Variants in SYTL2 observed in about 807,000 individuals in gnomAD.
SYTL2 encodes synaptotagmin-like protein 2.
A neutral mutation model predicts 198.7 loss-of-function variants in SYTL2; 165 were observed. The observed-to-expected ratio is 0.83, with a 90% CI of 0.73 to 0.94. The LOEUF (loss-of-function observed/expected upper bound fraction) is 0.94. SYTL2 is among the 40% of genes least tolerant of loss of function. The pLI is 0.00. For synonymous variants in SYTL2, 966 were observed against 917.7 expected (o/e 1.05, Z -0.95); for missense variants, 2,835 against 2,582.8 (o/e 1.10, Z -2.12).
At chr11:85,852,636 G>A in the SYTL2 span, 1,370 of 182,412 alleles carry the variant, frequency 7.5e-3, 21 homozygotes, top group African/African-American at 0.032. Context: ...TCGGCCTCCC[G>A]AGGTGCCGGG....
intron 6 of SYTL2, among the ~76,000 whole-genome samples, chr11:85,735,665 T>A (rs475380): frequency 0.69 from 105,268 of 151,908 alleles, 36,902 homozygotes; most frequent in African/African-American, 0.79. Context: ...GCTGAGGCAC[T>A]AGAAGCCCCG....
intron 4 of SYTL2, among the ~76,000 whole-genome samples, chr11:85,745,117 T>C (rs2091060696): frequency 6.6e-6 from 1 of 152,244 alleles, no homozygotes; most frequent in Admixed American, 6.5e-5. Context: ...TATATATTAT[T>C]GTTCCTAGCT....
the SYTL2 span, among the ~76,000 whole-genome samples, chr11:85,836,973 A>T: frequency 6.6e-6 from 1 of 152,224 alleles, no homozygotes; most frequent in African/African-American, 2.4e-5. Flanking sequence ...CTTCACTGTT[A>T]CAAAAGTTGT....
chr11:85,703,073 G>T (rs1167612852), intron 16 of SYTL2, among the ~76,000 whole-genome samples: 1 of 152,094 alleles, frequency 6.6e-6, no homozygotes, highest in Non-Finnish European at 1.5e-5. Flanking sequence ...TTGTGAAAAG[G>T]TTAGCAAAAC....
In SYTL2 at chr11:85,729,591, G is replaced by A. The variant is rs991218300; in HGVS notation, c.1391-1624C>T. On this transcript the variant is annotated intron_variant, in intron 7 of 19. Transcript: ENST00000359152. ...GAATCTCTGGGACACAGCTAAACCA[G>A]TGTTTAGAGGGAAATTTATAGCACT... Among the ~76,000 whole-genome samples, 10 of 152,178 alleles carry A rather than the reference G, an allele frequency of 6.6e-5. No individual in the cohort carries two copies. In the South Asian group the frequency reaches 8.3e-4, roughly 13 times the overall value.
At chr11:85,738,537 T>C (rs577536963) in intron 4 of SYTL2, among the ~76,000 whole-genome samples, 1 of 152,242 alleles carries the variant, frequency 6.6e-6, no homozygotes, top group Non-Finnish European at 1.5e-5. Flanking sequence ...ATTCCTGTAA[T>C]AGGTGTGCAC....
chr11:85,829,695 C>T, the SYTL2 span, among the ~76,000 whole-genome samples: 1 of 152,266 alleles, frequency 6.6e-6, no homozygotes, highest in East Asian at 1.9e-4. Flanking sequence ...TCCTTTTCTC[C>T]ACAGCCTCCC....
chr11:85,725,791 C>G lies in SYTL2; in HGVS notation c.3567G>C (p.Lys1189Asn). The change falls in exon 8 of 20, where the codon AAG (lysine) becomes AAC (asparagine). Residue 1189 changes from lysine (K) to asparagine (N), a missense_variant. Around this residue, in one of 3 missense-constraint regions of SYTL2, gnomAD observed 2,645 missense variants for 2,381.7 expected, o/e 1.11. Transcript: ENST00000359152. ...TTTTGTCAACATGCTCATTAATGAT[C>G]TTCTCAGGTCCTTTGACTTCTTCCT... is the stretch of plus-strand genomic sequence containing the variant. Reference protein sequence around the residue: ...DTEEEVKGPEKIINEHVDKTV... With the variant: ...DTEEEVKGPENIINEHVDKTV... 1 of 1,614,144 alleles carries G rather than the reference C, an allele frequency of 6.2e-7. No individual in the cohort carries two copies. Among genetic ancestry groups the G allele is most frequent in the Non-Finnish European group, 8.5e-7 (1 of 1,179,978 alleles).
chr11:85,789,824 G>A (rs767307615), intron 1 of SYTL2, among the ~76,000 whole-genome samples: 8 of 152,142 alleles, frequency 5.3e-5, no homozygotes, highest in Admixed American at 1.3e-4. Context: ...TGCTTGCTTG[G>A]TTTAGAGAGA....
chr11:85,753,377 G>A (rs1371128805), intron 2 of SYTL2, among the ~76,000 whole-genome samples: 5 of 151,892 alleles, frequency 3.3e-5, no homozygotes, highest in Admixed American at 1.3e-4. Flanking sequence ...GTAATAACTG[G>A]GTCCAGTACT....
chr11:85,799,520 A>G (rs75168328), intron 1 of SYTL2, among the ~76,000 whole-genome samples: 3,099 of 152,324 alleles, frequency 0.02, 51 homozygotes, highest in Non-Finnish European at 0.033. Context: ...AAGTCCATAA[A>G]AAGCATCCAA....
At chr11:85,801,390 A>G (rs972216741) in intron 1 of SYTL2, among the ~76,000 whole-genome samples, 2 of 152,186 alleles carry the variant, frequency 1.3e-5, no homozygotes, top group African/African-American at 2.4e-5. Flanking sequence ...ACATATTTAT[A>G]TTTTTGGAAC....
chr11:85,808,360 C>T (rs970076954), intron 1 of SYTL2, among the ~76,000 whole-genome samples: 10 of 152,062 alleles, frequency 6.6e-5, no homozygotes, highest in Middle Eastern at 3.2e-3. Flanking sequence ...CCACTGCACC[C>T]GGCCTGATAT....
chr11:85,741,708 G>A lies in SYTL2; in HGVS notation c.389+3929C>T, dbSNP rs545181721. Among the ~76,000 whole-genome samples the A allele has an allele frequency of 8.5e-5, 13 of 152,226 alleles. No homozygotes were observed. The South Asian group carries it at 2.1e-3, about 24-fold the overall frequency. ...ACTCATCTTAATACTAGGGGTAAAC[G>A]CAATAGCTAATCCTTCTGGGAGAGG... On this transcript the variant is annotated intron_variant, in intron 4 of 19. Coordinates refer to ENST00000359152, the MANE Select transcript of SYTL2 (RefSeq NM_206927.4).
rs149057573 is a variant in SYTL2 at position 85,736,593 on chromosome 11, C to A, written c.494G>T (p.Ser165Ile). The change falls in exon 6 of 20, where the codon AGC (serine) becomes ATC (isoleucine). Residue 165 changes from serine (S) to isoleucine (I), a missense_variant. Around this residue, in one of 3 missense-constraint regions of SYTL2, gnomAD observed 2,645 missense variants for 2,381.7 expected, o/e 1.11. Coordinates refer to ENST00000359152, the MANE Select transcript of SYTL2 (RefSeq NM_206927.4). ...PEKQRKNPFN[S>I]SKLPEGHSSQ... The stretch of plus-strand genomic sequence containing the variant: ...TGAGTGACCTTCTGGCAACTTGGAG[C>A]TATTAAACGGATTCTTCCTCTGCTG... 5 of 1,595,040 alleles carry A rather than the reference C, an allele frequency of 3.1e-6. No individual in the cohort carries two copies. The highest frequency in any genetic ancestry group is 4.3e-6 in the Non-Finnish European group (5 of 1,165,010).
intron 11 of SYTL2, chr11:85,716,620 A>T (rs1746005009): frequency 6.6e-6 from 1 of 151,854 alleles, no homozygotes; most frequent in Admixed American, 6.6e-5. Context: ...GAGGGTAGAC[A>T]TGTGTATCAT....
At chr11:85,751,633 C>T (rs1032979836) in intron 2 of SYTL2, among the ~76,000 whole-genome samples, 3 of 152,216 alleles carry the variant, frequency 2.0e-5, no homozygotes, top group African/African-American at 7.2e-5. Context: ...AGTACACTGG[C>T]CTGCTGGCCT....
At chr11:85,844,864 G>A in the SYTL2 span, among the ~76,000 whole-genome samples, 1 of 152,136 alleles carries the variant, frequency 6.6e-6, no homozygotes, top group Non-Finnish European at 1.5e-5. Context: ...TCTTCTGTAT[G>A]GCTCAGAGGA....
chr11:85,733,126 C>A (rs1366817699), intron 7 of SYTL2, among the ~76,000 whole-genome samples: 1 of 152,176 alleles, frequency 6.6e-6, no homozygotes, highest in Non-Finnish European at 1.5e-5. Flanking sequence ...AGGCCAAAGT[C>A]TGAGGCTTTT....
Sources: allele counts gnomAD v4.1 joint callset (sites outside exome capture counted in the v4.1 genomes callset), GRCh38; gene constraint gnomAD v4.1.1; regional missense constraint gnomAD v4.1.1; transcripts MANE v1.5; gene names NCBI Gene and HGNC (gene_info 2026-07-23, HGNC 2026-07-21).